Variants in NUP214 observed in about 807,000 individuals in gnomAD.
NUP214 encodes the protein nucleoporin 214.
NUP214 carries 79 observed loss-of-function variants against 196.2 expected under a neutral mutation model. That is an observed-to-expected ratio of 0.40 (90% CI 0.34 to 0.49). The LOEUF (loss-of-function observed/expected upper bound fraction) is 0.49, where lower values mean the gene tolerates loss of function less well. Ranked by LOEUF, NUP214 falls within the 20% of genes least tolerant of loss-of-function variation. NUP214 has a pLI of 0.58. For missense variants in NUP214, 2,468 were observed against 2,539.0 expected (o/e 0.97, Z 0.60); for synonymous variants, 1,020 against 990.5 (o/e 1.03, Z -0.56).
At chr9:131,192,374 C>A in intron 27 of NUP214, 82 bp downstream of exon 27, 1 of 845,470 alleles carries the variant, frequency 1.2e-6, no homozygotes, top group Non-Finnish European at 1.9e-6. Flanking sequence ...TATTTATTTA[C>A]TTATTAAATG....
At chr9:131,137,921 C>T (rs1831787206) in intron 9 of NUP214, among the ~76,000 whole-genome samples, 1 of 152,174 alleles carries the variant, frequency 6.6e-6, no homozygotes, top group Non-Finnish European at 1.5e-5. Context: ...CCTTGGTAGC[C>T]TTCCAGTTGT....
chr9:131,208,340 A>G (rs1834140474), intron 30 of NUP214, among the ~76,000 whole-genome samples: 1 of 152,274 alleles, frequency 6.6e-6, no homozygotes, highest in East Asian at 1.9e-4. Flanking sequence ...GTCAAACAGC[A>G]GATGAATGGA....
intron 18 of NUP214, among the ~76,000 whole-genome samples, chr9:131,159,723 G>A (rs1357143152): frequency 6.6e-6 from 1 of 152,064 alleles, no homozygotes. Flanking sequence ...CGGGCATGGT[G>A]GCACATGCCT....
In NUP214 at chr9:131,125,827, G is replaced by T. The variant is rs1414187212; in HGVS notation, c.45+78G>T. The T allele has an allele frequency of 2.7e-6, 4 of 1,495,096 alleles. No homozygotes were observed. Among genetic ancestry groups the T allele is most frequent in the Non-Finnish European group, 2.7e-6 (3 of 1,098,176 alleles). 92.6% of individuals were successfully genotyped at this position (1,495,096 alleles called of 1,614,324 possible). ...GAGCCCAGCTGAAAGGCGAAGCGCG[G>T]TGCTGGCTGTCCCGCCTCCTGCTTG... On this transcript the variant is annotated intron_variant, in intron 1 of 35. Coordinates refer to ENST00000359428, the MANE Select transcript of NUP214 (RefSeq NM_005085.4). The surrounding 1 kb of genome is among the most constrained non-coding windows in gnomAD (Gnocchi z 4.1).
intron 21 of NUP214, among the ~76,000 whole-genome samples, chr9:131,171,008 C>T (rs1832942707): frequency 2.0e-5 from 3 of 150,192 alleles, no homozygotes; most frequent in Admixed American, 2.0e-4. Flanking sequence ...AGTCATGTAG[C>T]TTTCTACCTT....
intron 29 of NUP214, 51 bp from the exon 30 acceptor site, chr9:131,201,596 A>G (rs1286733728): frequency 3.6e-6 from 5 of 1,390,858 alleles, no homozygotes; most frequent in East Asian, 2.3e-5. Flanking sequence ...TTAATGTTGT[A>G]AAAGACTCAT....
intron 21 of NUP214, among the ~76,000 whole-genome samples, chr9:131,168,487 GT>G (rs1235407785): frequency 6.6e-6 from 1 of 152,098 alleles, no homozygotes; most frequent in African/African-American, 2.4e-5. Context: ...CACTTAAAAA[GT>G]TTCCCCAAGC....
chr9:131,166,177 T>C (rs1482692551), intron 21 of NUP214, among the ~76,000 whole-genome samples: 1 of 152,248 alleles, frequency 6.6e-6, no homozygotes, highest in Non-Finnish European at 1.5e-5. Context: ...CTTAACCTTT[T>C]CCTCTGCCTT....
At chr9:131,226,053 C>T (rs1326637017) in intron 32 of NUP214, among the ~76,000 whole-genome samples, 3 of 152,096 alleles carry the variant, frequency 2.0e-5, no homozygotes, top group Non-Finnish European at 2.9e-5. Context: ...GCGTTTGAGT[C>T]GCACAGACCT....
chr9:131,169,113 A>G (rs187600551), intron 21 of NUP214, among the ~76,000 whole-genome samples: 236 of 148,946 alleles, frequency 1.6e-3, no homozygotes, highest in East Asian at 4.5e-3. Context: ...GCTCACTGCA[A>G]CCTCTGCCTC....
intron 31 of NUP214, among the ~76,000 whole-genome samples, chr9:131,218,746 C>T (rs754038927): frequency 9.9e-5 from 15 of 152,250 alleles, no homozygotes; most frequent in Non-Finnish European, 2.1e-4. Context: ...AACCCTTGGG[C>T]AACTTCCCAC....
chr9:131,220,405 G>A (rs1230614422), intron 31 of NUP214, among the ~76,000 whole-genome samples: 1 of 152,208 alleles, frequency 6.6e-6, no homozygotes, highest in African/African-American at 2.4e-5. Context: ...TAAATCAATG[G>A]TAAAATGTCT....
chr9:131,198,667 A>G lies in NUP214; in HGVS notation c.5173A>G (p.Thr1725Ala), dbSNP rs1029021376. ...AGCCCCAGGGGTCTTTGGACAGACA[A>G]CCTTCGGGCAGGCCTCAGTCTTTGG... ...TTAPGVFGQT[T>A]FGQASVFGQS... The change falls in exon 29 of 36, where the codon ACC becomes GCC. Residue 1725 changes from threonine to alanine, a missense_variant. By Grantham distance (58) the Thr-to-Ala change is moderately conservative. Coordinates refer to ENST00000359428, the MANE Select transcript of NUP214 (RefSeq NM_005085.4). 151 of 1,614,036 alleles carry G rather than the reference A, an allele frequency of 9.4e-5. No individual in the cohort carries two copies. Among genetic ancestry groups the G allele is most frequent in the Non-Finnish European group, 1.3e-4 (149 of 1,180,020 alleles).
At chr9:131,201,751 T>G in intron 30 of NUP214, 34 bp downstream of exon 30, 1 of 1,552,448 alleles carries the variant, frequency 6.4e-7, no homozygotes, top group Non-Finnish European at 8.9e-7. Flanking sequence ...CACGTCAACA[T>G]GTATCAAACC....
chr9:131,190,628 C>T (rs1833571861), intron 26 of NUP214: 1 of 524,686 alleles, frequency 1.9e-6, no homozygotes, highest in Non-Finnish European at 3.3e-6. Flanking sequence ...AATGGAAATA[C>T]CTTCATTGTT....
chr9:131,181,667 A>C (rs1392732548), intron 24 of NUP214, among the ~76,000 whole-genome samples: 1 of 152,146 alleles, frequency 6.6e-6, no homozygotes, highest in African/African-American at 2.4e-5. Context: ...GCTCCATTTT[A>C]AAATTAGGTT....
rs778401466 is a variant in NUP214, at chr9:131,198,301, A to G, written c.4807A>G (p.Ser1603Gly). 6.2e-7 allele frequency: 1 copy of G among 1,614,182 alleles called. No homozygotes were observed. The highest frequency in any genetic ancestry group is 1.1e-5 in the South Asian group (1 of 91,078). The stretch of plus-strand genomic sequence containing the variant: ...TGCTGTCACAGCAGCTGCTATCTCA[A>G]GTGCAGGCCCTGTGGCCGTCGAAAC... Reference protein sequence around the residue: ...QTAVTAAAISSAGPVAVETSS... With the variant: ...QTAVTAAAISGAGPVAVETSS... Residue 1603 changes from serine (S) to glycine (G), a missense_variant, in exon 29 of 36, where the codon AGT becomes GGT. Ser to Gly is a moderately conservative substitution (Grantham distance 56). Coordinates refer to ENST00000359428, the MANE Select transcript of NUP214 (RefSeq NM_005085.4).
At chr9:131,150,087 TGTCCCA>T in intron 14 of NUP214, 1 of 413,538 alleles carries the variant, frequency 2.4e-6, no homozygotes, top group East Asian at 3.7e-5. Context: ...TTATTCAACA[TGTCCCA>T]GTAGGAGGTA....
intron 24 of NUP214, among the ~76,000 whole-genome samples, chr9:131,184,033 T>C (rs1266994243): frequency 1.4e-4 from 19 of 139,032 alleles, no homozygotes; most frequent in Non-Finnish European, 2.5e-4. Context: ...TTTCTTTTTT[T>C]TTTTTTTTTT....
Sources: gnomAD v4.1 joint callset for allele counts (sites outside exome capture counted in the v4.1 genomes callset) on GRCh38, gnomAD v4.1.1 for gene constraint, Gnocchi (gnomAD v3.1) non-coding constraint, MANE v1.5 for transcripts, NCBI Gene and HGNC (gene_info 2026-07-23, HGNC 2026-07-21) for gene names.